Variants in ZNF469 observed in about 807,000 individuals in gnomAD.
ZNF469 encodes the protein zinc finger protein 469.
Under a neutral mutation model 1.0 loss-of-function variants are expected in ZNF469, and 1 was observed. The ratio of observed to expected loss-of-function variants is 1.00; its 90% CI spans 0.35 to 4.73. ZNF469 has a LOEUF of 4.73. ZNF469 is among the 30% of genes most tolerant of loss of function. ZNF469 has a pLI of 0.16. For missense variants in ZNF469, 6,100 were observed against 5,356.3 expected, an observed-to-expected ratio of 1.14 and a Z score of -4.33; for synonymous variants, 2,703 against 2,363.4, an observed-to-expected ratio of 1.14 and a Z score of -4.17.
the ZNF469 span, among the ~76,000 whole-genome samples, chr16:88,247,572 CTGAGTGAGTGAATGACTGAGTGAACGAG>C: frequency 7.7e-6 from 1 of 129,560 alleles, no homozygotes; most frequent in African/African-American, 2.9e-5. Context: ...GAGTGAGTGA[CTGAGTGAGTGAATGACTGAGTGAACGAG>C]TGAGTGAGTG....
At chr16:88,376,756 A>T in the ZNF469 span, among the ~76,000 whole-genome samples, 1 of 152,218 alleles carries the variant, frequency 6.6e-6, no homozygotes, top group African/African-American at 2.4e-5. Flanking sequence ...TGTCCCGGCC[A>T]CACGGCTGGC....
the ZNF469 span, among the ~76,000 whole-genome samples, chr16:88,243,083 C>T: frequency 1.3e-5 from 2 of 152,314 alleles, no homozygotes; most frequent in Non-Finnish European, 1.5e-5. Flanking sequence ...GGCCCACTTT[C>T]CGCTGCTTTA....
chr16:88,430,526 C>G lies in ZNF469; in HGVS notation c.3056C>G (p.Pro1019Arg). Residue 1019 changes from proline (P) to arginine (R), a missense_variant, in exon 3 of 3, where the codon CCC becomes CGC. Physicochemically the swap from Pro to Arg is moderately radical, Grantham distance 103. Transcript: ENST00000565624. The part of the protein sequence containing the change: ...APRVPRAAAL[P>R]EETRSSRRRR... ...CGGGTCCCGAGAGCCGCCGCCCTCC[C>G]CGAGGAGACCCGCAGCTCCCGGCGC... 6.9e-7 allele frequency: 1 copy of G among 1,455,840 alleles called. No individual in the cohort carries two copies. Among genetic ancestry groups the G allele is most frequent in the Non-Finnish European group, 9.0e-7 (1 of 1,112,772 alleles). The allele number at this position is 1,455,840 out of a possible 1,614,324, so 90.2% of individuals were successfully genotyped here.
chr16:88,272,954 G>A, the ZNF469 span, among the ~76,000 whole-genome samples: 1 of 149,196 alleles, frequency 6.7e-6, no homozygotes, highest in African/African-American at 2.5e-5. Flanking sequence ...GAACGGGTGG[G>A]TGTGTGGATA....
At chr16:88,174,159 T>G in the ZNF469 span, among the ~76,000 whole-genome samples, 1 of 152,144 alleles carries the variant, frequency 6.6e-6, no homozygotes, top group South Asian at 2.1e-4. Flanking sequence ...AAAAAAGATA[T>G]ATCATGCTAA....
chr16:88,117,173 G>A, the ZNF469 span, among the ~76,000 whole-genome samples: 1 of 142,270 alleles, frequency 7.0e-6, no homozygotes, highest in African/African-American at 2.5e-5. Flanking sequence ...AGAACTGGGG[G>A]CATGTGAGGG....
the ZNF469 span, among the ~76,000 whole-genome samples, chr16:88,282,984 A>G: frequency 6.6e-6 from 1 of 152,206 alleles, no homozygotes; most frequent in Non-Finnish European, 1.5e-5. Flanking sequence ...GGGGAGCAGG[A>G]GGACCCCAGC....
At chr16:88,119,717 C>A in the ZNF469 span, among the ~76,000 whole-genome samples, 16 of 152,290 alleles carry the variant, frequency 1.1e-4, no homozygotes, top group African/African-American at 3.9e-4. Flanking sequence ...TGGGCTGTTC[C>A]CAGGTGGCTG....
the ZNF469 span, among the ~76,000 whole-genome samples, chr16:88,186,063 G>A: frequency 3.9e-5 from 6 of 152,248 alleles, no homozygotes; most frequent in South Asian, 4.1e-4. Flanking sequence ...CAAGCCGTCA[G>A]GTACCTACAC....
the ZNF469 span, among the ~76,000 whole-genome samples, chr16:88,237,865 C>A: frequency 6.6e-6 from 1 of 152,168 alleles, no homozygotes; most frequent in East Asian, 1.9e-4. Flanking sequence ...AGCTGCTGAT[C>A]TTTCTTGTTT....
chr16:88,111,809 G>A, the ZNF469 span, among the ~76,000 whole-genome samples: 2 of 152,082 alleles, frequency 1.3e-5, no homozygotes, highest in Admixed American at 6.6e-5. Context: ...GCTAATTTCT[G>A]TATTTTTAGT....
In ZNF469 at chr16:88,436,972, G is replaced by A. The variant is rs1026015169; in HGVS notation, c.9502G>A (p.Ala3168Thr). The stretch of plus-strand genomic sequence containing the variant: ...GCGGGGGCACCTGCAGGAGAGGCAC[G>A]CGCAGAGCAAGGCCGGGCCCTGGGC... ...LLRGHLQERH[A>T]QSKAGPWACG... The change falls in exon 3 of 3, where the codon GCG becomes ACG. Residue 3168 changes from alanine (A) to threonine (T), a missense_variant. Physicochemically the swap from Ala to Thr is moderately conservative, Grantham distance 58. Coordinates refer to ENST00000565624, the MANE Select transcript of ZNF469 (RefSeq NM_001367624.2). The A allele has an allele frequency of 4.0e-6, 6 of 1,508,954 alleles. No homozygotes were observed. In the South Asian group the frequency reaches 5.0e-5, roughly 13 times the overall value. 93.5% of individuals were successfully genotyped at this position (1,508,954 alleles called of 1,614,324 possible).
chr16:88,165,593 C>T, the ZNF469 span, among the ~76,000 whole-genome samples: 132 of 152,296 alleles, frequency 8.7e-4, no homozygotes, highest in African/African-American at 2.9e-3. Context: ...GGCTTCAGCA[C>T]GCTAACTTTT....
At chr16:88,165,733 A>T in the ZNF469 span, among the ~76,000 whole-genome samples, 1 of 152,120 alleles carries the variant, frequency 6.6e-6, no homozygotes, top group African/African-American at 2.4e-5. Context: ...TCCAGAACTT[A>T]TTTGATTCCA....
At chr16:88,114,264 C>A in the ZNF469 span, among the ~76,000 whole-genome samples, 2 of 117,820 alleles carry the variant, frequency 1.7e-5, no homozygotes, top group Non-Finnish European at 3.5e-5. Flanking sequence ...CGGGTGTCTC[C>A]GGGGAGAATG....
the ZNF469 span, among the ~76,000 whole-genome samples, chr16:88,316,628 C>A: frequency 1.4e-4 from 20 of 145,658 alleles, no homozygotes; most frequent in African/African-American, 3.8e-4. Flanking sequence ...CTCACTGCAA[C>A]CTCCACCTCT....
chr16:88,121,186 G>GC, the ZNF469 span, among the ~76,000 whole-genome samples: 2 of 119,400 alleles, frequency 1.7e-5, no homozygotes, highest in East Asian at 5.2e-4. Context: ...GGTTGGGGGG[G>GC]TGTTGCACTT....
the ZNF469 span, among the ~76,000 whole-genome samples, chr16:88,331,754 A>G: frequency 6.6e-6 from 1 of 150,654 alleles, no homozygotes; most frequent in African/African-American, 2.4e-5. Flanking sequence ...CACCACCATC[A>G]TCATCATCAC....
At chr16:88,399,943 C>T (rs372145363) in intron 1 of ZNF469, among the ~76,000 whole-genome samples, 186 of 152,360 alleles carry the variant, frequency 1.2e-3, no homozygotes, top group African/African-American at 4.0e-3. Flanking sequence ...ACACCAGGAG[C>T]TCTGGGATCC....
Sources: gnomAD v4.1 joint callset for allele counts (sites outside exome capture counted in the v4.1 genomes callset) on GRCh38, gnomAD v4.1.1 for gene constraint, MANE v1.5 for transcripts, NCBI Gene and HGNC (gene_info 2026-07-23, HGNC 2026-07-21) for gene names.